FMN2: variants seen among roughly 807,000 people sequenced by gnomAD.
FMN2 encodes formin-2.
Under a neutral mutation model 142.3 loss-of-function variants are expected in FMN2, and 51 were observed. The ratio of observed to expected loss-of-function variants is 0.36; its 90% confidence interval spans 0.29 to 0.45. FMN2 has a LOEUF of 0.45. Among genes scored for constraint, FMN2 ranks in the 20% least tolerant of loss-of-function variants. The pLI, the probability that FMN2 is intolerant of heterozygous loss-of-function variation, is 1.00. For missense variants in FMN2, 1,936 were observed against 2,122.8 expected, an observed-to-expected ratio of 0.91 and a Z score of 1.73; for synonymous variants, 882 against 869.8, an observed-to-expected ratio of 1.01 and a Z score of -0.25.
At chr1:240,162,964 A>C (rs1664341149) in intron 2 of FMN2, among the ~76,000 whole-genome samples, 1 of 152,206 alleles carries the variant, frequency 6.6e-6, no homozygotes, top group Non-Finnish European at 1.5e-5. Context: ...TCATTTAAAA[A>C]ATATTTTAAA....
chr1:240,384,271 A>G (rs59746645), intron 14 of FMN2, among the ~76,000 whole-genome samples: 2,228 of 152,272 alleles, frequency 0.015, 56 homozygotes, highest in African/African-American at 0.051. Flanking sequence ...TATGTAACAA[A>G]CCTGCATATG....
At chr1:240,411,713 C>G (rs1674400350) in intron 15 of FMN2, among the ~76,000 whole-genome samples, 2 of 151,240 alleles carry the variant, frequency 1.3e-5, no homozygotes, top group South Asian at 4.2e-4. Flanking sequence ...TGGTGTGTGC[C>G]TTTTTGTTTA....
chr1:240,189,864 C>T (rs1236357487), intron 4 of FMN2, among the ~76,000 whole-genome samples: 1 of 105,334 alleles, frequency 9.5e-6, no homozygotes, highest in Non-Finnish European at 1.9e-5. Flanking sequence ...TCAAATCTTC[C>T]CTCACTTTTT....
At chr1:240,142,487 T>TTATTTATTTATTTA (rs1663226071) in intron 2 of FMN2, among the ~76,000 whole-genome samples, 2 of 150,444 alleles carry the variant, frequency 1.3e-5, no homozygotes, top group African/African-American at 4.9e-5. Context: ...ATTTATTTAT[T>TTATTTATTTATTTA]TATTTATTTA....
chr1:240,433,907 A>G (rs1256207739), intron 15 of FMN2, among the ~76,000 whole-genome samples: 1 of 152,188 alleles, frequency 6.6e-6, no homozygotes, highest in Non-Finnish European at 1.5e-5. Context: ...GATTTTTAAT[A>G]TTAGTTGCTC....
intron 15 of FMN2, among the ~76,000 whole-genome samples, chr1:240,393,758 T>C (rs1673685705): frequency 6.6e-6 from 1 of 152,182 alleles, no homozygotes; most frequent in Non-Finnish European, 1.5e-5. Flanking sequence ...AACACATGAA[T>C]GATAAGAAAG....
At chr1:240,099,585 A>G (rs1661343368) in intron 1 of FMN2, among the ~76,000 whole-genome samples, 1 of 152,160 alleles carries the variant, frequency 6.6e-6, no homozygotes, top group South Asian at 2.1e-4. Flanking sequence ...GGTCTCCTTC[A>G]TAAATGCTCT....
At chr1:240,244,753 A>G (rs1435971146) in intron 6 of FMN2, among the ~76,000 whole-genome samples, 1 of 152,230 alleles carries the variant, frequency 6.6e-6, no homozygotes, top group African/African-American at 2.4e-5. Flanking sequence ...GCCCTACTCT[A>G]GAGAAAATTG....
At chr1:240,452,627 T>C (rs927201290) in intron 16 of FMN2, among the ~76,000 whole-genome samples, 2 of 152,158 alleles carry the variant, frequency 1.3e-5, no homozygotes, top group African/African-American at 2.4e-5. Context: ...CTTTAAATTT[T>C]TCCAGGTGTT....
intron 6 of FMN2, among the ~76,000 whole-genome samples, chr1:240,222,558 A>G (rs1667160323): frequency 6.6e-6 from 1 of 152,028 alleles, no homozygotes; most frequent in Admixed American, 6.6e-5. Flanking sequence ...TGGGGGTAGC[A>G]TTGAACCTAT....
At chr1:240,362,110 T>C (rs928295613) in intron 14 of FMN2, among the ~76,000 whole-genome samples, 3 of 152,256 alleles carry the variant, frequency 2.0e-5, no homozygotes, top group Non-Finnish European at 4.4e-5. Context: ...CAGACGCTGA[T>C]TTTCTGAGCT....
intron 16 of FMN2, among the ~76,000 whole-genome samples, chr1:240,451,947 A>G (rs932507938): frequency 1.3e-5 from 2 of 151,986 alleles, no homozygotes; most frequent in Admixed American, 1.3e-4. Flanking sequence ...TCAGTTATAT[A>G]TTGGGAGGCC....
At chr1:240,269,381 C>T (rs989860915) in intron 7 of FMN2, among the ~76,000 whole-genome samples, 3 of 151,988 alleles carry the variant, frequency 2.0e-5, no homozygotes, top group African/African-American at 7.2e-5. Flanking sequence ...TCTGGACACT[C>T]CATTCTATTC....
At chr1:240,153,385 G>GTTTTTTTTTTTTT (rs58725251) in intron 2 of FMN2, among the ~76,000 whole-genome samples, 1 of 124,324 alleles carries the variant, frequency 8.0e-6, no homozygotes, top group Non-Finnish European at 1.6e-5. Flanking sequence ...TGTATTTACA[G>GTTTTTTTTTTTTT]TTTTTTTTTT....
intron 6 of FMN2, among the ~76,000 whole-genome samples, chr1:240,247,586 C>T (rs1415436973): frequency 6.6e-6 from 1 of 151,414 alleles, no homozygotes; most frequent in Non-Finnish European, 1.5e-5. Flanking sequence ...TAAACATGAG[C>T]CAATTGGGTT....
chr1:240,329,287 A>G, intron 9 of FMN2, 52 bp from the exon 10 acceptor site: 1 of 1,602,724 alleles, frequency 6.2e-7, no homozygotes, highest in Non-Finnish European at 8.5e-7. Context: ...GAGGATAAAC[A>G]TCTGTTTATG....
chr1:240,462,909 G>T (rs1056252781), intron 16 of FMN2, among the ~76,000 whole-genome samples: 2 of 152,140 alleles, frequency 1.3e-5, no homozygotes, highest in African/African-American at 4.8e-5. Context: ...AACCTGAAAG[G>T]CCTCATGGGA....
intron 13 of FMN2, among the ~76,000 whole-genome samples, chr1:240,342,791 G>A (rs1013880677): frequency 2.6e-5 from 4 of 152,086 alleles, no homozygotes; most frequent in Non-Finnish European, 4.4e-5. Flanking sequence ...AAAATAAAAA[G>A]TAGATTCTTT....
At chr1:240,377,925 C>T (rs1262084276) in intron 14 of FMN2, among the ~76,000 whole-genome samples, 1 of 151,870 alleles carries the variant, frequency 6.6e-6, no homozygotes, top group Non-Finnish European at 1.5e-5. Flanking sequence ...GGGATTGGGA[C>T]ATGGACATTT....
Sources: allele counts gnomAD v4.1 joint callset (sites outside exome capture counted in the v4.1 genomes callset), GRCh38; gene constraint gnomAD v4.1.1; transcripts MANE v1.5; gene names NCBI Gene and HGNC (gene_info 2026-07-23, HGNC 2026-07-21).